The following PARP11 variants were observed in gnomAD, a reference collection of about 807,000 sequenced individuals.
PARP11 encodes poly(ADP-ribose) polymerase family member 11, also known as protein mono-ADP-ribosyltransferase PARP11.
PARP11 carries 31 observed loss-of-function variants against 42.9 expected under a neutral mutation model. The observed-to-expected ratio is 0.72, with a 90% CI of 0.54 to 0.98. The LOEUF (loss-of-function observed/expected upper bound fraction) is 0.98. Among genes scored for constraint, PARP11 ranks in the 50% least tolerant of loss-of-function variants. The probability of loss-of-function intolerance (pLI) is 0.00; values close to 1 mark genes in which losing one functional copy is unlikely to be tolerated. For missense variants in PARP11, 365 were observed against 413.1 expected, an observed-to-expected ratio of 0.88 and a Z score of 1.01; for synonymous variants, 137 against 127.3, an observed-to-expected ratio of 1.08 and a Z score of -0.51.
intron 1 of PARP11, among the ~76,000 whole-genome samples, chr12:3,860,395 G>T (rs1948276128): frequency 6.6e-6 from 1 of 152,146 alleles, no homozygotes; most frequent in South Asian, 2.1e-4. Flanking sequence ...AACAAAAGAA[G>T]GGACCACTGC....
chr12:3,849,920 TCA>T (rs1472317138), intron 1 of PARP11, among the ~76,000 whole-genome samples: 1 of 151,986 alleles, frequency 6.6e-6, no homozygotes, highest in African/African-American at 2.4e-5. Flanking sequence ...TATTAAATTA[TCA>T]CATGTCCTGA....
intron 1 of PARP11, among the ~76,000 whole-genome samples, chr12:3,847,520 T>C (rs538748163): frequency 2.6e-5 from 4 of 152,248 alleles, no homozygotes; most frequent in African/African-American, 2.4e-5. Flanking sequence ...GTTCAACATA[T>C]GCAAATCAAT....
At chr12:3,863,761 T>C (rs1217428095) in intron 1 of PARP11, 4 of 152,160 alleles carry the variant, frequency 2.6e-5, no homozygotes, top group Non-Finnish European at 5.9e-5. Flanking sequence ...ACCAAGGAAG[T>C]TCATTTGAGC....
chr12:3,868,310 A>C (rs1249516951), intron 1 of PARP11, among the ~76,000 whole-genome samples: 1 of 152,106 alleles, frequency 6.6e-6, no homozygotes, highest in Non-Finnish European at 1.5e-5. Flanking sequence ...AAATACAAAA[A>C]TTAGCCAGGT....
chr12:3,812,029 A>G lies in PARP11; in HGVS notation c.*94T>C. On this transcript the variant is annotated 3_prime_UTR_variant, in exon 8 of 8. Coordinates refer to ENST00000228820, the MANE Select transcript of PARP11 (RefSeq NM_020367.6). ...TTTTCATATCTGTTTCAAAAGTATC[A>G]GATAATTAACATTTAGTGGCTAGAT... 1 of 910,948 alleles carries G rather than the reference A, an allele frequency of 1.1e-6. No homozygotes were observed. Among genetic ancestry groups the G allele is most frequent in the Non-Finnish European group, 1.7e-6 (1 of 601,860 alleles). The allele number at this position is 910,948 out of a possible 1,614,324, so 56.4% of individuals were successfully genotyped here.
At chr12:3,850,761 C>T (rs1948082743) in intron 1 of PARP11, among the ~76,000 whole-genome samples, 1 of 152,152 alleles carries the variant, frequency 6.6e-6, no homozygotes, top group Non-Finnish European at 1.5e-5. Flanking sequence ...TTATATTTAT[C>T]TACAAAACAG....
Position 3,812,180 on chromosome 12 carries a change from G to T in PARP11, c.960C>A (p.Ile320=), listed in dbSNP as rs769437884. 4.3e-6 allele frequency: 7 copies of T among 1,614,004 alleles called. No individual in the cohort carries two copies. The highest frequency in any genetic ancestry group is 5.9e-6 in the Non-Finnish European group (7 of 1,179,992). ...SCVDDTWNPK[I]FVVFDANQIY... ...TTTGGTTGGCATCAAAAACCACAAA[G>T]ATCTTTGGGTTCCAGGTATCATCCA... The change falls in exon 8 of 8, where the codon ATC becomes ATA. Residue 320 remains isoleucine (I), a synonymous_variant. Coordinates refer to ENST00000228820, the MANE Select transcript of PARP11 (RefSeq NM_020367.6).
chr12:3,835,476 T>C (rs934287160), intron 1 of PARP11, among the ~76,000 whole-genome samples: 2 of 152,140 alleles, frequency 1.3e-5, no homozygotes, highest in Non-Finnish European at 2.9e-5. Context: ...AAAAAAATTA[T>C]GAGACATAAA....
Position 3,812,334 on chromosome 12 carries a change from T to C in PARP11, c.806A>G (p.His269Arg), listed in dbSNP as rs1388669648. Reference protein sequence around the residue: ...QIHGVSLQQRHLFRTYKSMFL... With the variant: ...QIHGVSLQQRRLFRTYKSMFL... ...CATAGATTTATATGTTCTAAACAGA[T>C]GCCGCTGTTGCAAGCTGACACCATG... Residue 269 changes from histidine (H) to arginine (R), a missense_variant, in exon 8 of 8, where the codon CAT becomes CGT. Transcript: ENST00000228820. 1.2e-6 allele frequency: 2 copies of C among 1,614,174 alleles called. No homozygotes were observed. The highest frequency in any genetic ancestry group is 1.7e-6 in the Non-Finnish European group (2 of 1,179,984).
chr12:3,822,434 T>TA (rs1232444043), intron 4 of PARP11, among the ~76,000 whole-genome samples: 2 of 139,856 alleles, frequency 1.4e-5, no homozygotes, highest in Admixed American at 1.5e-4. Flanking sequence ...CCGTCTCTAC[T>TA]AAAAATACAA....
At chr12:3,839,382 C>G (rs893511495) in intron 1 of PARP11, 12 of 1,554,296 alleles carry the variant, frequency 7.7e-6, no homozygotes, top group Non-Finnish European at 1.0e-5. Context: ...CCATGGACGC[C>G]TATCTGCGGA....
intron 1 of PARP11, among the ~76,000 whole-genome samples, chr12:3,852,354 GTT>G (rs1948112737): frequency 6.6e-6 from 1 of 152,186 alleles, no homozygotes. Context: ...AAAGGAAGAT[GTT>G]TGAACCCATC....
chr12:3,818,208 A>C (rs970778221), intron 6 of PARP11, among the ~76,000 whole-genome samples: 8 of 152,042 alleles, frequency 5.3e-5, no homozygotes, highest in Admixed American at 3.9e-4. Context: ...AGCCATTTCA[A>C]ATCTCCTCTT....
In PARP11 at chr12:3,811,968, T is replaced by A. The variant is rs1378515912; in HGVS notation, c.*155A>T. On this transcript the variant is annotated 3_prime_UTR_variant, in exon 8 of 8. Coordinates refer to ENST00000228820, the MANE Select transcript of PARP11 (RefSeq NM_020367.6). The stretch of plus-strand genomic sequence containing the variant: ...AAAACAAAACAACAAAAACCAACCT[T>A]GAAGTCAGTATGTCTTTTTATATGG... The A allele has an allele frequency of 1.2e-5, 7 of 585,810 alleles. No homozygotes were observed. Among genetic ancestry groups the A allele is most frequent in the Non-Finnish European group, 2.0e-5 (7 of 341,676 alleles). The allele number at this position is 585,810 out of a possible 1,614,324, so 36.3% of individuals were successfully genotyped here.
chr12:3,839,779 A>G, intron 1 of PARP11: 2 of 1,133,544 alleles, frequency 1.8e-6, no homozygotes, highest in Non-Finnish European at 2.7e-6. Context: ...GTATAAAGAA[A>G]GCTCTGCTAT....
intron 1 of PARP11, chr12:3,842,227 G>A: frequency 6.2e-7 from 1 of 1,605,656 alleles, no homozygotes; most frequent in South Asian, 1.1e-5. Flanking sequence ...AGAGTGCAAA[G>A]ACCAAAAGAA....
chr12:3,812,041 T>G lies in PARP11; in HGVS notation c.*82A>C, dbSNP rs1170073838. On this transcript the variant is annotated 3_prime_UTR_variant, in exon 8 of 8. Transcript: ENST00000228820. ...TTTCAAAAGTATCAGATAATTAACA[T>G]TTAGTGGCTAGATGACTGAAGAGCA... 2.5e-5 allele frequency: 25 copies of G among 1,019,430 alleles called. No individual in the cohort carries two copies. Among genetic ancestry groups the G allele is most frequent in the Middle Eastern group, 2.1e-4 (1 of 4,660 alleles). The allele number at this position is 1,019,430 out of a possible 1,614,324, so 63.1% of individuals were successfully genotyped here.
chr12:3,840,275 C>T lies in PARP11; in HGVS notation c.19-10257G>A, dbSNP rs1947857952. 4.3e-6 allele frequency: 7 copies of T among 1,613,784 alleles called. No homozygotes were observed. The highest frequency in any genetic ancestry group is 5.9e-6 in the Non-Finnish European group (7 of 1,179,798). On this transcript the variant is annotated intron_variant, in intron 1 of 7. Coordinates refer to ENST00000228820, the MANE Select transcript of PARP11 (RefSeq NM_020367.6). This position sits in a 1 kb window ranked among gnomAD's most constrained non-coding sequence, Gnocchi z 4.4. ...GTTGAAGAACTGGGAAAGTACACATCAAAGAACCTCAAGGCACCTCCCCCA... is the reference window on the plus strand; with the variant it reads ...GTTGAAGAACTGGGAAAGTACACATTAAAGAACCTCAAGGCACCTCCCCCA...
intron 1 of PARP11, among the ~76,000 whole-genome samples, chr12:3,856,513 T>G (rs991160438): frequency 6.6e-6 from 1 of 152,040 alleles, no homozygotes; most frequent in Non-Finnish European, 1.5e-5. Context: ...AATAGACACA[T>G]GAAAAAATGC....
Sources: allele counts gnomAD v4.1 joint callset (sites outside exome capture counted in the v4.1 genomes callset), GRCh38; gene constraint gnomAD v4.1.1; non-coding constraint Gnocchi (gnomAD v3.1); transcripts MANE v1.5; gene names NCBI Gene and HGNC (gene_info 2026-07-23, HGNC 2026-07-21).